CACNB4: variants seen among roughly 807,000 people sequenced by gnomAD.
CACNB4 encodes the protein voltage-dependent L-type calcium channel subunit beta-4.
A neutral mutation model predicts 71.2 loss-of-function variants in CACNB4; 32 were observed. The ratio of observed to expected loss-of-function variants is 0.45; its 90% CI spans 0.34 to 0.60. The LOEUF is 0.60. Among genes scored for constraint, CACNB4 ranks in the 20% least tolerant of loss-of-function variants. The pLI is 0.01. For missense variants in CACNB4, 464 were observed against 647.9 expected, an observed-to-expected ratio of 0.72 and a Z score of 3.08; for synonymous variants, 231 against 236.9, an observed-to-expected ratio of 0.97 and a Z score of 0.23.
chr2:151,849,158 C>T (rs1196856293), intron 12 of CACNB4, among the ~76,000 whole-genome samples: 1 of 152,214 alleles, frequency 6.6e-6, no homozygotes, highest in Non-Finnish European at 1.5e-5. Flanking sequence ...TTTCCCCACT[C>T]ATCTTACTGT....
chr2:151,982,275 T>C (rs568940575), intron 2 of CACNB4, among the ~76,000 whole-genome samples: 57 of 152,230 alleles, frequency 3.7e-4, no homozygotes, highest in African/African-American at 1.3e-3. Context: ...GATGTGACTG[T>C]GTTCTTGCCA....
chr2:151,939,628 G>A (rs1446948192), intron 2 of CACNB4, among the ~76,000 whole-genome samples: 3 of 152,068 alleles, frequency 2.0e-5, no homozygotes, highest in Admixed American at 6.6e-5. Context: ...CCATAGTTAC[G>A]GGCACTGCAT....
intron 2 of CACNB4, among the ~76,000 whole-genome samples, chr2:152,063,047 A>G (rs535242642): frequency 6.6e-6 from 1 of 152,342 alleles, no homozygotes; most frequent in African/African-American, 2.4e-5. Context: ...CAGCTGCTCC[A>G]TACTAAGGAA....
At chr2:151,976,768 C>T (rs1444088724) in intron 2 of CACNB4, among the ~76,000 whole-genome samples, 1 of 152,116 alleles carries the variant, frequency 6.6e-6, no homozygotes, top group Non-Finnish European at 1.5e-5. Flanking sequence ...CTATCTCTGC[C>T]CCAAGATTCT....
At chr2:151,950,801 A>G (rs2099866742) in intron 2 of CACNB4, among the ~76,000 whole-genome samples, 1 of 152,258 alleles carries the variant, frequency 6.6e-6, no homozygotes, top group Non-Finnish European at 1.5e-5. Context: ...TGCCAAGAGT[A>G]GAAAGAGAAG....
At chr2:152,035,856 A>G (rs1221697298) in intron 2 of CACNB4, among the ~76,000 whole-genome samples, 1 of 152,164 alleles carries the variant, frequency 6.6e-6, no homozygotes, top group African/African-American at 2.4e-5. Context: ...ATTGAGAATA[A>G]AACTGTTAAA....
intron 9 of CACNB4, among the ~76,000 whole-genome samples, chr2:151,864,759 A>G (rs1195910481): frequency 6.6e-6 from 1 of 152,232 alleles, no homozygotes; most frequent in East Asian, 1.9e-4. Context: ...TGCCATTAAG[A>G]GCAAATAAGG....
intron 2 of CACNB4, among the ~76,000 whole-genome samples, chr2:152,045,211 T>C (rs78212335): frequency 0.017 from 2,651 of 152,274 alleles, 74 homozygotes; most frequent in African/African-American, 0.059. Flanking sequence ...AGATAAGGAC[T>C]GGGAATATAC....
chr2:151,883,444 G>C, intron 2 of CACNB4, 74 bp from the exon 3 acceptor site: 3 of 1,512,858 alleles, frequency 2.0e-6, no homozygotes, highest in Non-Finnish European at 2.7e-6. Flanking sequence ...AGTATCCTGG[G>C]GCGAGTTCTT....
At chr2:152,051,014 G>A (rs1308695161) in intron 2 of CACNB4, among the ~76,000 whole-genome samples, 4 of 151,742 alleles carry the variant, frequency 2.6e-5, no homozygotes, top group Non-Finnish European at 5.9e-5. Context: ...AGTGATCTGC[G>A]CACCTCGGCC....
chr2:152,019,569 C>A (rs1343142190), intron 2 of CACNB4, among the ~76,000 whole-genome samples: 1 of 151,944 alleles, frequency 6.6e-6, no homozygotes, highest in African/African-American at 2.4e-5. Flanking sequence ...TAAGTGGATA[C>A]ATGAACAGGT....
chr2:151,860,834 C>A lies in CACNB4; in HGVS notation c.759-14G>T. 1.3e-6 allele frequency: 2 copies of A among 1,533,072 alleles called. No homozygotes were observed. The highest frequency in any genetic ancestry group is 9.0e-7 in the Non-Finnish European group (1 of 1,106,496). 95.0% of individuals were successfully genotyped at this position (1,533,072 alleles called of 1,614,324 possible). A position where few individuals can be genotyped will look rare whatever the true frequency, so the allele number is the denominator to read the frequency against. ...GTTATTGAAATCCTATGAATAGGAA[C>A]ACAGAACAGAACAAGCCAGTAAAAA... is the stretch of plus-strand genomic sequence containing the variant. On this transcript the variant is annotated splice_polypyrimidine_tract_variant and intron_variant, in intron 9 of 13. Transcript: ENST00000539935.
chr2:151,967,295 A>G (rs1473306314), intron 2 of CACNB4: 1 of 152,280 alleles, frequency 6.6e-6, no homozygotes, highest in East Asian at 1.9e-4. Context: ...AGCTCAAGCA[A>G]TCTGCCCATC....
At chr2:152,024,477 T>G (rs530034192) in intron 2 of CACNB4, among the ~76,000 whole-genome samples, 210 of 152,332 alleles carry the variant, frequency 1.4e-3, no homozygotes, top group Non-Finnish European at 2.2e-3. Context: ...TTAAGTAGCT[T>G]CCATAAAGCC....
chr2:152,012,615 AAAAGTGT>A (rs1282759724), intron 2 of CACNB4, among the ~76,000 whole-genome samples: 17 of 152,124 alleles, frequency 1.1e-4, no homozygotes, highest in African/African-American at 4.1e-4. Context: ...AAAAAAAAAA[AAAAGTGT>A]AAAAAGTAAA....
intron 2 of CACNB4, among the ~76,000 whole-genome samples, chr2:151,938,985 T>C (rs2099863594): frequency 6.6e-6 from 1 of 152,258 alleles, no homozygotes; most frequent in South Asian, 2.1e-4. Context: ...CTCCTTTCTC[T>C]ATCTGCAGAT....
chr2:151,934,804 T>A (rs2099862524), intron 2 of CACNB4, among the ~76,000 whole-genome samples: 1 of 152,128 alleles, frequency 6.6e-6, no homozygotes, highest in South Asian at 2.1e-4. Flanking sequence ...ACCACTGCAC[T>A]CCAGCCTGGC....
chr2:151,947,085 C>T (rs1293961534), intron 2 of CACNB4, among the ~76,000 whole-genome samples: 2 of 152,114 alleles, frequency 1.3e-5, no homozygotes, highest in African/African-American at 4.8e-5. Context: ...AAGAGCAGTC[C>T]TCAGAAAAAG....
chr2:152,064,673 A>G (rs1686206578), intron 2 of CACNB4, among the ~76,000 whole-genome samples: 1 of 152,198 alleles, frequency 6.6e-6, no homozygotes, highest in African/African-American at 2.4e-5. Context: ...ATGAGCCACC[A>G]CGCCCGGCCC....
Sources: gnomAD v4.1 joint callset for allele counts (sites outside exome capture counted in the v4.1 genomes callset) on GRCh38, gnomAD v4.1.1 for gene constraint, MANE v1.5 for transcripts, NCBI Gene and HGNC (gene_info 2026-07-23, HGNC 2026-07-21) for gene names.